ZNF827: variants seen among roughly 807,000 people sequenced by gnomAD.
ZNF827 encodes the protein zinc finger protein 827.
ZNF827 carries 13 observed loss-of-function variants against 102.4 expected under a neutral mutation model. The observed-to-expected ratio is 0.13, with a 90% CI of 0.08 to 0.20. The LOEUF (loss-of-function observed/expected upper bound fraction) is 0.20, where lower values mean the gene tolerates loss of function less well. Ranked by LOEUF, ZNF827 falls within the 10% of genes least tolerant of loss-of-function variation. The probability of loss-of-function intolerance (pLI) is 1.00; values close to 1 mark genes in which losing one functional copy is unlikely to be tolerated. For synonymous variants in ZNF827, 523 were observed against 536.2 expected (o/e 0.98, Z 0.34); for missense variants, 1,103 against 1,344.4 (o/e 0.82, Z 2.81).
At chr4:145,901,011 G>A (rs1018539346) in intron 2 of ZNF827, among the ~76,000 whole-genome samples, 2 of 152,098 alleles carry the variant, frequency 1.3e-5, no homozygotes, top group African/African-American at 4.8e-5. Flanking sequence ...TTTCCTCGTT[G>A]TCTTCTGCTG....
chr4:145,768,606 G>A (rs1422426364), intron 11 of ZNF827, among the ~76,000 whole-genome samples: 1 of 151,702 alleles, frequency 6.6e-6, no homozygotes, highest in Non-Finnish European at 1.5e-5. Context: ...GGTTAGGGGA[G>A]AAAATATAGG....
At chr4:145,779,609 G>C in intron 8 of ZNF827, 98 bp from the exon 9 acceptor site, 1 of 1,479,610 alleles carries the variant, frequency 6.8e-7, no homozygotes, top group Non-Finnish European at 9.1e-7. Flanking sequence ...TCTCTCTGAA[G>C]AATGTGGCTA....
chr4:145,840,754 A>C (rs1300256851), intron 7 of ZNF827, among the ~76,000 whole-genome samples: 1 of 152,252 alleles, frequency 6.6e-6, no homozygotes, highest in Non-Finnish European at 1.5e-5. Context: ...GCAACACATC[A>C]TGCTTTTACA....
chr4:145,790,200 T>C (rs1739473226), intron 8 of ZNF827, among the ~76,000 whole-genome samples: 3 of 152,192 alleles, frequency 2.0e-5, no homozygotes, highest in Non-Finnish European at 4.4e-5. Context: ...CTATAAAATA[T>C]GGGCACATAT....
intron 8 of ZNF827, among the ~76,000 whole-genome samples, chr4:145,808,806 T>C (rs538766129): frequency 1.3e-5 from 2 of 152,218 alleles, no homozygotes; most frequent in African/African-American, 2.4e-5. Context: ...TTTTTAATTT[T>C]ATTTTTTAGA....
At chr4:145,920,226 C>A (rs1484579551) in intron 1 of ZNF827, among the ~76,000 whole-genome samples, 2 of 152,208 alleles carry the variant, frequency 1.3e-5, no homozygotes, top group Non-Finnish European at 2.9e-5. Context: ...AGCTCTATAT[C>A]ATAATCACCC....
intron 4 of ZNF827, among the ~76,000 whole-genome samples, chr4:145,880,845 G>T (rs1749601192): frequency 6.6e-6 from 1 of 152,238 alleles, no homozygotes; most frequent in Non-Finnish European, 1.5e-5. Context: ...GGGAGTGGGA[G>T]AGCCCCCTGG....
intron 13 of ZNF827, among the ~76,000 whole-genome samples, chr4:145,764,196 G>A (rs149362855): frequency 3.8e-4 from 58 of 152,286 alleles, no homozygotes; most frequent in African/African-American, 1.3e-3. Context: ...GTCTTTCTGT[G>A]TCCTCCTACC....
chr4:145,928,082 AT>A (rs994698601), intron 1 of ZNF827, among the ~76,000 whole-genome samples: 1 of 152,130 alleles, frequency 6.6e-6, no homozygotes, highest in Admixed American at 6.5e-5. Context: ...GTTGCAGTCC[AT>A]TACCCAGGTC....
intron 9 of ZNF827, 146 bp downstream of exon 9, chr4:145,779,228 T>A (rs1737578923): frequency 2.7e-6 from 3 of 1,123,662 alleles, no homozygotes; most frequent in African/African-American, 1.6e-5. Context: ...AGGTCTTCTT[T>A]AAACATGCCA....
intron 6 of ZNF827, among the ~76,000 whole-genome samples, chr4:145,848,545 T>C (rs538197355): frequency 6.6e-6 from 1 of 152,242 alleles, no homozygotes; most frequent in Non-Finnish European, 1.5e-5. Flanking sequence ...TGTAGGCCAG[T>C]GCTTGACTTT....
At chr4:145,926,824 T>C (rs564833267) in intron 1 of ZNF827, among the ~76,000 whole-genome samples, 1 of 152,116 alleles carries the variant, frequency 6.6e-6, no homozygotes, top group South Asian at 2.1e-4. Context: ...CTTTTTCTCT[T>C]CTTCTGCACA....
intron 2 of ZNF827, among the ~76,000 whole-genome samples, chr4:145,899,422 A>C (rs2126876494): frequency 6.6e-6 from 1 of 152,270 alleles, no homozygotes; most frequent in Non-Finnish European, 1.5e-5. Context: ...AGTAACACCA[A>C]ATCATGTACC....
At chr4:145,867,678 C>T (rs536925692) in intron 5 of ZNF827, among the ~76,000 whole-genome samples, 103 of 152,188 alleles carry the variant, frequency 6.8e-4, no homozygotes, top group Non-Finnish European at 1.2e-3. Context: ...ACTAAGTATC[C>T]TCAACCAACT....
rs537418049 is a variant in ZNF827, at chr4:145,874,674, C to A, written c.1748-4196G>T. Among the ~76,000 whole-genome samples the A allele has an allele frequency of 2.0e-5, 3 of 152,308 alleles. No individual in the cohort carries two copies. In the East Asian group the frequency reaches 5.8e-4, roughly 29 times the overall value. On this transcript the variant is annotated intron_variant, in intron 4 of 14. Transcript: ENST00000508784. ...TTTATGACTCATGACATAGTCTTCA[C>A]TTTATTCCTACTACTAACACAGAAA...
chr4:145,793,958 TCTCAG>T (rs1440117633), intron 8 of ZNF827, among the ~76,000 whole-genome samples: 76 of 152,214 alleles, frequency 5.0e-4, no homozygotes, highest in African/African-American at 1.5e-3. Flanking sequence ...GGGAAGTCAG[TCTCAG>T]CTCAGCTCCC....
At chr4:145,783,777 C>T (rs1159408737) in intron 8 of ZNF827, among the ~76,000 whole-genome samples, 1 of 152,280 alleles carries the variant, frequency 6.6e-6, no homozygotes, top group East Asian at 1.9e-4. Flanking sequence ...GGCATGAAGA[C>T]AAAAGCCAAC....
At chr4:145,787,464 GAA>G (rs35041321) in intron 8 of ZNF827, among the ~76,000 whole-genome samples, 26 of 83,212 alleles carry the variant, frequency 3.1e-4, no homozygotes, top group African/African-American at 5.3e-4. Flanking sequence ...TCCGTCTCAG[GAA>G]AAAAAAAAAA....
chr4:145,870,461 G>C lies in ZNF827; in HGVS notation c.1765C>G (p.Pro589Ala), dbSNP rs775082273. Reference protein sequence around the residue: ...MKLSAANQKEPMNLNFKVKEE... With the variant: ...MKLSAANQKEAMNLNFKVKEE... ...TTCACTTTAAAATTAAGATTCATGGGCTCCTTCTGATTTGCAGCTGTCAAA... is the reference window on the plus strand; with the variant it reads ...TTCACTTTAAAATTAAGATTCATGGCCTCCTTCTGATTTGCAGCTGTCAAA... Residue 589 changes from proline to alanine, a missense_variant, in exon 5 of 15, where the codon CCC (proline) becomes GCC (alanine). Physicochemically the swap from Pro to Ala is conservative, Grantham distance 27. This residue lies in a region of ZNF827 where 243 missense variants were observed against 251.6 expected (regional missense o/e 0.97). Coordinates refer to ENST00000508784, the MANE Select transcript of ZNF827 (RefSeq NM_001306215.2). 15 of 1,613,750 alleles carry C rather than the reference G, an allele frequency of 9.3e-6. No individual in the cohort carries two copies. The Admixed American group carries it at 1.7e-4, about 18-fold the overall frequency.
Sources: allele counts gnomAD v4.1 joint callset (sites outside exome capture counted in the v4.1 genomes callset), GRCh38; gene constraint gnomAD v4.1.1; regional missense constraint gnomAD v4.1.1; transcripts MANE v1.5; gene names NCBI Gene and HGNC (gene_info 2026-07-23, HGNC 2026-07-21).